Variants in EBF3 observed in about 807,000 individuals in gnomAD.
EBF3 encodes transcription factor COE3.
EBF3 carries 18 observed loss-of-function variants against 77.1 expected under a neutral mutation model. The observed-to-expected ratio is 0.23, with a 90% CI of 0.16 to 0.35. EBF3 has a LOEUF of 0.35. EBF3 is among the 10% of genes least tolerant of loss of function. EBF3 has a pLI of 1.00. For missense variants in EBF3, 558 were observed against 860.0 expected, an observed-to-expected ratio of 0.65 and a Z score of 4.39; for synonymous variants, 350 against 343.5, an observed-to-expected ratio of 1.02 and a Z score of -0.21.
At chr10:129,862,097 T>C (rs1275853246) in intron 10 of EBF3, among the ~76,000 whole-genome samples, 1 of 152,174 alleles carries the variant, frequency 6.6e-6, no homozygotes, top group Non-Finnish European at 1.5e-5. Context: ...AGGACAGCCC[T>C]GGAGGACACA....
Position 129,952,318 on chromosome 10 carries a change from G to C in EBF3, c.554+4940C>G, listed in dbSNP as rs1490740134. ...GAAATGACAAGTTGTCATTTAAGAA[G>C]TTAATAAACAGTCTCCGTTTTGCAG... On this transcript the variant is annotated intron_variant, in intron 6 of 16. Transcript: ENST00000440978. This position sits in a 1 kb window ranked among gnomAD's most constrained non-coding sequence, Gnocchi z 4.7. Among the ~76,000 whole-genome samples the C allele has an allele frequency of 6.6e-6, 1 of 152,194 alleles. No homozygotes were observed. The highest frequency in any genetic ancestry group is 1.5e-5 in the Non-Finnish European group (1 of 68,034).
In EBF3 at chr10:129,943,108, C is replaced by T. The variant is rs1405456754; in HGVS notation, c.554+14150G>A. Among the ~76,000 whole-genome samples, 1 of 152,218 alleles carries T rather than the reference C, an allele frequency of 6.6e-6. No homozygotes were observed. Among genetic ancestry groups the T allele is most frequent in the African/African-American group, 2.4e-5 (1 of 41,456 alleles). On this transcript the variant is annotated intron_variant, in intron 6 of 16. Transcript: ENST00000440978. This position sits in a 1 kb window ranked among gnomAD's most constrained non-coding sequence, Gnocchi z 8.8. ...CACGATGGGAATGACTGGATCACTCCACCGGCTGCTCAAGAAGCCAACAAC... is the reference window on the plus strand; with the variant it reads ...CACGATGGGAATGACTGGATCACTCTACCGGCTGCTCAAGAAGCCAACAAC...
chr10:129,942,192 T>C (rs1217983812), intron 6 of EBF3, among the ~76,000 whole-genome samples: 1 of 152,168 alleles, frequency 6.6e-6, no homozygotes, highest in Non-Finnish European at 1.5e-5. Context: ...AGATAAAAAT[T>C]GTGCTTAAGT....
At chr10:129,910,243 A>G (rs1855435109) in intron 6 of EBF3, among the ~76,000 whole-genome samples, 1 of 152,234 alleles carries the variant, frequency 6.6e-6, no homozygotes, top group Non-Finnish European at 1.5e-5. Context: ...TGTGTCCTGT[A>G]AGCACAGACT....
intron 8 of EBF3, among the ~76,000 whole-genome samples, chr10:129,872,141 T>G (rs1852445586): frequency 6.6e-6 from 1 of 152,212 alleles, no homozygotes; most frequent in East Asian, 1.9e-4. Flanking sequence ...ACCAGAGGGC[T>G]GGGGAGGCCC....
intron 6 of EBF3, among the ~76,000 whole-genome samples, chr10:129,878,407 G>A (rs1589768491): frequency 6.6e-6 from 1 of 152,054 alleles, no homozygotes; most frequent in African/African-American, 2.4e-5. Context: ...TTACAGTAGC[G>A]CCTGTAATCC....
In EBF3 at chr10:129,870,647, C is replaced by T. The variant is rs1406898369; in HGVS notation, c.782-2735G>A. The stretch of plus-strand genomic sequence containing the variant: ...CTCACAAGGAACACCCTCTGCCCAT[C>T]GTGACCCCCGCCGGCTCTCCCCAGG... On this transcript the variant is annotated intron_variant, in intron 8 of 16. Transcript: ENST00000440978. The surrounding 1 kb of genome is among the most constrained non-coding windows in gnomAD (Gnocchi z 4.4). Among the ~76,000 whole-genome samples, 1 of 152,124 alleles carries T rather than the reference C, an allele frequency of 6.6e-6. No individual in the cohort carries two copies. Among genetic ancestry groups the T allele is most frequent in the African/African-American group, 2.4e-5 (1 of 41,434 alleles).
Position 129,841,578 on chromosome 10 carries a change from T to G in EBF3, c.1372+538A>C, listed in dbSNP as rs1278870153. On this transcript the variant is annotated intron_variant, in intron 13 of 16. Transcript: ENST00000440978. The surrounding 1 kb of genome is among the most constrained non-coding windows in gnomAD (Gnocchi z 4.6). ...AGTATGGGTGAGGTGTTTTCTAAGATCACTGCCTGCGCGCTTTTCAATGAA... is the reference window on the plus strand; with the variant it reads ...AGTATGGGTGAGGTGTTTTCTAAGAGCACTGCCTGCGCGCTTTTCAATGAA... 6.6e-6 allele frequency among the ~76,000 whole-genome samples: 1 copy of G among 152,096 alleles called. No homozygotes were observed. Among genetic ancestry groups the G allele is most frequent in the Non-Finnish European group, 1.5e-5 (1 of 68,030 alleles).
rs767692640 is a variant in EBF3 at position 129,963,589 on chromosome 10, C to CGGGCCG, written c.134+40_134+45dup. The CGGGCCG allele has an allele frequency of 3.1e-3, 3,806 of 1,234,528 alleles. 12 individuals carry two copies. Among genetic ancestry groups the CGGGCCG allele is most frequent in the African/African-American group, 0.021 (1,271 of 61,692 alleles). 76.5% of individuals were successfully genotyped at this position (1,234,528 alleles called of 1,614,324 possible). A position where few individuals can be genotyped will look rare whatever the true frequency, so the allele number is the denominator to read the frequency against. Reference sequence around the variant, plus strand: ...CGCCGGCCGGCGGAGGGGGCCGGGCCGGGCCGGGGCCGGGGCCAGGGCGCG... The same window carrying CGGGCCG: ...CGCCGGCCGGCGGAGGGGGCCGGGCCGGGCCGGGGCCGGGGCCGGGGCCAGGGCGCG... On this transcript the variant is annotated intron_variant, in intron 1 of 16. Coordinates refer to ENST00000440978, the MANE Select transcript of EBF3 (RefSeq NM_001375380.1). The surrounding 1 kb of genome is among the most constrained non-coding windows in gnomAD (Gnocchi z 7.1).
chr10:129,958,890 G>C (rs760442753), intron 5 of EBF3, 44 bp downstream of exon 5: 3 of 1,573,288 alleles, frequency 1.9e-6, no homozygotes, highest in African/African-American at 1.4e-5. Context: ...CGCAGCTGGC[G>C]CCGAGGCAGC....
At chr10:129,855,078 C>A (rs1326896910) in intron 10 of EBF3, among the ~76,000 whole-genome samples, 2 of 152,234 alleles carry the variant, frequency 1.3e-5, no homozygotes, top group Non-Finnish European at 2.9e-5. Context: ...TAGGGTCACC[C>A]TGGGTTTCAC....
chr10:129,945,826 T>C (rs950054123), intron 6 of EBF3, among the ~76,000 whole-genome samples: 2 of 152,184 alleles, frequency 1.3e-5, no homozygotes, highest in Non-Finnish European at 2.9e-5. Flanking sequence ...TTTATGATCA[T>C]TATTTTCGCC....
At chr10:129,867,061 C>T in intron 10 of EBF3, 80 bp downstream of exon 10, 2 of 1,525,780 alleles carry the variant, frequency 1.3e-6, no homozygotes, top group Non-Finnish European at 8.8e-7. Flanking sequence ...CTGTACAGTC[C>T]TCCCGTGCCC....
rs1858333988 is a variant in EBF3 at position 129,947,710 on chromosome 10, G to A, written c.554+9548C>T. Among the ~76,000 whole-genome samples the A allele has an allele frequency of 6.6e-6, 1 of 150,782 alleles. No individual in the cohort carries two copies. Among genetic ancestry groups the A allele is most frequent in the African/African-American group, 2.4e-5 (1 of 40,982 alleles). ...GAAAAAAAAAAAAAAAGAAGGGCAG[G>A]ACGGGCAAACTTCTGAAAGCCTGGT... On this transcript the variant is annotated intron_variant, in intron 6 of 16. Transcript: ENST00000440978. This position sits in a 1 kb window ranked among gnomAD's most constrained non-coding sequence, Gnocchi z 4.5.
chr10:129,929,445 A>G (rs1008330040), intron 6 of EBF3, among the ~76,000 whole-genome samples: 1 of 152,160 alleles, frequency 6.6e-6, no homozygotes. Flanking sequence ...AGCTCAAGCA[A>G]TCCGCCCACC....
intron 10 of EBF3, among the ~76,000 whole-genome samples, chr10:129,851,005 G>T (rs2133992422): frequency 6.6e-6 from 1 of 152,364 alleles, no homozygotes; most frequent in East Asian, 1.9e-4. Context: ...GGCACGTCCA[G>T]TCACAGAGCC....
intron 10 of EBF3, 128 bp downstream of exon 10, chr10:129,867,013 G>A (rs1852064963): frequency 1.5e-6 from 2 of 1,330,870 alleles, no homozygotes; most frequent in South Asian, 1.8e-5. Context: ...CACAGGCCAA[G>A]GGGGCTTTGT....
At chr10:129,862,405 A>C (rs1851704283) in intron 10 of EBF3, among the ~76,000 whole-genome samples, 1 of 152,322 alleles carries the variant, frequency 6.6e-6, no homozygotes, top group East Asian at 1.9e-4. Flanking sequence ...TATCTTGTTT[A>C]GTAACTGGGT....
intron 6 of EBF3, among the ~76,000 whole-genome samples, chr10:129,940,233 C>T (rs1333845234): frequency 6.6e-6 from 1 of 152,204 alleles, no homozygotes; most frequent in Non-Finnish European, 1.5e-5. Context: ...CCCTCCTCCT[C>T]CTCACCTTGC....
Sources: gnomAD v4.1 joint callset for allele counts (sites outside exome capture counted in the v4.1 genomes callset) on GRCh38, gnomAD v4.1.1 for gene constraint, Gnocchi (gnomAD v3.1) non-coding constraint, MANE v1.5 for transcripts, NCBI Gene and HGNC (gene_info 2026-07-23, HGNC 2026-07-21) for gene names.